The following PTPRR variants were observed in gnomAD, a reference collection of about 807,000 sequenced individuals.
PTPRR encodes the protein protein tyrosine phosphatase receptor type R, also known as receptor-type tyrosine-protein phosphatase R.
PTPRR carries 38 observed loss-of-function variants against 77.2 expected under a neutral mutation model. That is an observed-to-expected ratio of 0.49 (90% CI 0.38 to 0.65). The LOEUF (loss-of-function observed/expected upper bound fraction) is 0.65. Among genes scored for constraint, PTPRR ranks in the 30% least tolerant of loss-of-function variants. The probability of loss-of-function intolerance (pLI) is 0.00; values close to 1 mark genes in which losing one functional copy is unlikely to be tolerated. For missense variants in PTPRR, 744 were observed against 799.2 expected (o/e 0.93, Z 0.83); for synonymous variants, 299 against 283.1 (o/e 1.06, Z -0.57).
At chr12:70,883,739 C>T (rs898929587) in intron 2 of PTPRR, among the ~76,000 whole-genome samples, 4 of 151,968 alleles carry the variant, frequency 2.6e-5, no homozygotes, top group Admixed American at 2.6e-4. Flanking sequence ...GTCTTATACC[C>T]TCCCAGGAAA....
At chr12:70,741,513 T>C (rs1330716179) in intron 6 of PTPRR, among the ~76,000 whole-genome samples, 1 of 152,206 alleles carries the variant, frequency 6.6e-6, no homozygotes, top group Non-Finnish European at 1.5e-5. Flanking sequence ...GGACCTTTGC[T>C]GTATTCGGGC....
At chr12:70,899,235 C>T (rs544130295) in intron 1 of PTPRR, among the ~76,000 whole-genome samples, 8 of 150,938 alleles carry the variant, frequency 5.3e-5, no homozygotes, top group Non-Finnish European at 8.9e-5. Flanking sequence ...CCAAAATTAC[C>T]CTGATAACAA....
At chr12:70,788,389 T>C (rs1891365358) in intron 2 of PTPRR, among the ~76,000 whole-genome samples, 1 of 152,244 alleles carries the variant, frequency 6.6e-6, no homozygotes, top group Non-Finnish European at 1.5e-5. Context: ...ATTAACCCAC[T>C]GTAACCCTCT....
chr12:70,915,074 A>C (rs1893755977), intron 1 of PTPRR, among the ~76,000 whole-genome samples: 1 of 152,224 alleles, frequency 6.6e-6, no homozygotes, highest in African/African-American at 2.4e-5. Context: ...ACACAGCAGA[A>C]GACCTAAAAG....
intron 1 of PTPRR, among the ~76,000 whole-genome samples, chr12:70,911,805 T>C (rs911985665): frequency 1.3e-5 from 2 of 150,286 alleles, no homozygotes; most frequent in Non-Finnish European, 2.9e-5. Flanking sequence ...TGTGTATGCT[T>C]ACCCAGTATT....
At chr12:70,771,391 T>C (rs1426438196) in intron 2 of PTPRR, among the ~76,000 whole-genome samples, 1 of 151,922 alleles carries the variant, frequency 6.6e-6, no homozygotes, top group Non-Finnish European at 1.5e-5. Context: ...CACTGGAGAC[T>C]GCTAGAGGAG....
At chr12:70,672,001 A>G in intron 10 of PTPRR, 1 of 1,306,640 alleles carries the variant, frequency 7.7e-7, no homozygotes, top group Non-Finnish European at 1.1e-6. Flanking sequence ...GAGACATGAG[A>G]CTAGTCCAGT....
chr12:70,862,528 G>A (rs1381953868), intron 2 of PTPRR, among the ~76,000 whole-genome samples: 7 of 143,542 alleles, frequency 4.9e-5, no homozygotes, highest in South Asian at 4.4e-4. Flanking sequence ...CTCATAGGTG[G>A]GAATTGAACA....
At chr12:70,729,213 AAC>A (rs1033220656) in intron 6 of PTPRR, among the ~76,000 whole-genome samples, 53 of 152,316 alleles carry the variant, frequency 3.5e-4, no homozygotes, top group African/African-American at 1.3e-3. Context: ...AATGTATTTA[AAC>A]ACATGCATTT....
chr12:70,671,314 GAAT>G (rs1887213795), intron 10 of PTPRR, among the ~76,000 whole-genome samples: 1 of 151,936 alleles, frequency 6.6e-6, no homozygotes, highest in Non-Finnish European at 1.5e-5. Context: ...AAAGAGTAAT[GAAT>G]AATAAAAAAT....
intron 2 of PTPRR, among the ~76,000 whole-genome samples, chr12:70,868,090 G>A (rs908044411): frequency 4.6e-5 from 7 of 152,076 alleles, no homozygotes; most frequent in Non-Finnish European, 5.9e-5. Flanking sequence ...AACCCTAGAC[G>A]AAAACCTAGG....
intron 5 of PTPRR, among the ~76,000 whole-genome samples, chr12:70,747,084 A>T (rs1890236484): frequency 6.6e-6 from 1 of 152,200 alleles, no homozygotes; most frequent in African/African-American, 2.4e-5. Context: ...ACTTTCAAGC[A>T]AGTGTAATGT....
rs549600906 is a variant in PTPRR at position 70,659,154 on chromosome 12, C to T, written c.1766+1786G>A. Among the ~76,000 whole-genome samples, 308 of 152,096 alleles carry T rather than the reference C, an allele frequency of 2.0e-3. 1 individual carries two copies. The highest frequency in any genetic ancestry group is 3.7e-3 in the Non-Finnish European group (254 of 67,962). On this transcript the variant is annotated intron_variant, in intron 12 of 13. Coordinates refer to ENST00000283228, the MANE Select transcript of PTPRR (RefSeq NM_002849.4). ...CTGACCTCAAGTGATCTGCCTGCCT[C>T]GGCCTCCCAAAGTGCTAGGATTGCA...
At chr12:70,752,672 C>T (rs1179771881) in intron 5 of PTPRR, among the ~76,000 whole-genome samples, 2 of 152,146 alleles carry the variant, frequency 1.3e-5, no homozygotes, top group Non-Finnish European at 2.9e-5. Flanking sequence ...ATCCATTGAT[C>T]CCCTGAATAT....
At chr12:70,884,115 C>T (rs570246270) in intron 2 of PTPRR, among the ~76,000 whole-genome samples, 4 of 152,136 alleles carry the variant, frequency 2.6e-5, no homozygotes, top group Non-Finnish European at 5.9e-5. Context: ...AGGGAGAGAA[C>T]CTTCTAGGGA....
Position 70,740,073 on chromosome 12 carries a change from T to C in PTPRR, c.1007+5745A>G, listed in dbSNP as rs191204183. Among the ~76,000 whole-genome samples the C allele has an allele frequency of 4.8e-3, 723 of 152,110 alleles. 7 individuals are homozygous for C. Among genetic ancestry groups the C allele is most frequent in the Non-Finnish European group, 6.2e-3 (420 of 68,004 alleles). On this transcript the variant is annotated intron_variant, in intron 6 of 13. Transcript: ENST00000283228. ...ATTTTTGCACAGCAAAGTATGATAA[T>C]GAAAGATTGTTATAGCAAGATAAAC...
chr12:70,672,894 G>C (rs1273696496), intron 10 of PTPRR: 1 of 1,550,424 alleles, frequency 6.4e-7, no homozygotes, highest in Non-Finnish European at 8.8e-7. Context: ...CATAGGATGG[G>C]GGCATCTGCT....
intron 6 of PTPRR, among the ~76,000 whole-genome samples, chr12:70,705,337 C>A (rs1354109565): frequency 1.3e-5 from 2 of 151,982 alleles, no homozygotes; most frequent in Non-Finnish European, 2.9e-5. Flanking sequence ...AGTTGGGGAC[C>A]ATAATGCTAG....
At chr12:70,712,912 C>A (rs937367491) in intron 6 of PTPRR, among the ~76,000 whole-genome samples, 1 of 152,218 alleles carries the variant, frequency 6.6e-6, no homozygotes, top group East Asian at 1.9e-4. Context: ...ATAAAATTCA[C>A]ATTTCCAAAG....
Sources: gnomAD v4.1 joint callset for allele counts (sites outside exome capture counted in the v4.1 genomes callset) on GRCh38, gnomAD v4.1.1 for gene constraint, MANE v1.5 for transcripts, NCBI Gene and HGNC (gene_info 2026-07-23, HGNC 2026-07-21) for gene names.